Variants in DEFB124 observed in about 807,000 individuals in gnomAD.
DEFB124 encodes the protein defensin beta 124, also known as beta-defensin 124.
For missense variants in DEFB124, 78 were observed against 83.1 expected (o/e 0.94, Z 0.24); for synonymous variants, 38 against 36.5 (o/e 1.04, Z -0.15).
rs1389433767 is a variant in DEFB124 at position 31,474,678 on chromosome 20, G to A, written c.-77C>T. Among the ~76,000 whole-genome samples, 1 of 152,120 alleles carries A rather than the reference G, an allele frequency of 6.6e-6. No homozygotes were observed. The highest frequency in any genetic ancestry group is 1.5e-5 in the Non-Finnish European group (1 of 68,024). Reference sequence around the variant, plus strand: ...CAGTAATAGAAACAGTAGACAGAGTGGCAGAGACCTCAGGCCCAGGCCCAG... The same window carrying A: ...CAGTAATAGAAACAGTAGACAGAGTAGCAGAGACCTCAGGCCCAGGCCCAG... On this transcript the variant is annotated 5_prime_UTR_variant, in exon 1 of 3. Transcript: ENST00000317676.
rs1980441934 is a variant in DEFB124 at position 31,475,105 on chromosome 20, C to T, written c.-504G>A. 6.6e-6 allele frequency among the ~76,000 whole-genome samples: 1 copy of T among 152,234 alleles called. No homozygotes were observed. The highest frequency in any genetic ancestry group is 2.4e-5 in the African/African-American group (1 of 41,448). On this transcript the variant is annotated 5_prime_UTR_variant, in exon 1 of 3. Transcript: ENST00000317676. This position sits in a 1 kb window ranked among gnomAD's most constrained non-coding sequence, Gnocchi z 5.0. The stretch of plus-strand genomic sequence containing the variant: ...TCCTTTCTCGTCTGCCACCCTCACC[C>T]GGTGCGTAGGGCTGGCAGAAGCGGG...
chr20:31,471,965 G>A (rs1406178746), intron 2 of DEFB124, among the ~76,000 whole-genome samples: 2 of 152,178 alleles, frequency 1.3e-5, no homozygotes, highest in African/African-American at 4.8e-5. Context: ...ACGATGGGCG[G>A]CCAGGCAGAG....
chr20:31,473,018 A>C lies in DEFB124; in HGVS notation c.-5T>G, dbSNP rs1980377659. On this transcript the variant is annotated 5_prime_UTR_variant, in exon 2 of 3. Coordinates refer to ENST00000317676, the MANE Select transcript of DEFB124 (RefSeq NM_001037500.2). Reference sequence around the variant, plus strand: ...GAACAGAAGCAGCTGTGTCATGGCCACGGGGCTCCTGGGGAGGCTGCTGGA... The same window carrying C: ...GAACAGAAGCAGCTGTGTCATGGCCCCGGGGCTCCTGGGGAGGCTGCTGGA... 1 of 1,614,010 alleles carries C rather than the reference A, an allele frequency of 6.2e-7. No homozygotes were observed. The highest frequency in any genetic ancestry group is 8.5e-7 in the Non-Finnish European group (1 of 1,179,998).
At chr20:31,470,885 G>T (rs1403099388) in intron 2 of DEFB124, among the ~76,000 whole-genome samples, 5 of 72,598 alleles carry the variant, frequency 6.9e-5, no homozygotes, top group Non-Finnish European at 1.1e-4. Context: ...GGGGGGCTGA[G>T]CCCCCCACCT....
At chr20:31,467,883 G>A (rs573362664) in intron 2 of DEFB124, among the ~76,000 whole-genome samples, 1 of 152,064 alleles carries the variant, frequency 6.6e-6, no homozygotes, top group African/African-American at 2.4e-5. Context: ...CTCCTAAATA[G>A]CTAGGACTAC....
chr20:31,472,881 TGA>T (rs1980371906), intron 2 of DEFB124, 73 bp downstream of exon 2: 1 of 1,539,398 alleles, frequency 6.5e-7, no homozygotes, highest in Admixed American at 2.0e-5. Context: ...CTCCAGGACC[TGA>T]GAGTCTAGTC....
intron 2 of DEFB124, among the ~76,000 whole-genome samples, chr20:31,465,882 C>T (rs1029763839): frequency 3.9e-5 from 6 of 152,350 alleles, no homozygotes; most frequent in South Asian, 2.1e-4. Flanking sequence ...TAAGGCCAGG[C>T]GCGGTGGCTC....
chr20:31,465,940 T>A (rs780186177), intron 2 of DEFB124, among the ~76,000 whole-genome samples: 57 of 152,200 alleles, frequency 3.7e-4, no homozygotes, highest in Non-Finnish European at 6.2e-4. Flanking sequence ...GCAGATCACC[T>A]GAGGTCAGGA....
intron 1 of DEFB124, among the ~76,000 whole-genome samples, chr20:31,473,405 T>C (rs1486623591): frequency 6.6e-6 from 1 of 152,192 alleles, no homozygotes; most frequent in Admixed American, 6.5e-5. Context: ...TTAACCTCTC[T>C]GAGCCTCAGG....
chr20:31,472,904 C>T (rs527947347), intron 2 of DEFB124, 52 bp downstream of exon 2: 3 of 1,578,820 alleles, frequency 1.9e-6, no homozygotes, highest in Admixed American at 3.6e-5. Context: ...CTCATTTTTA[C>T]AAGCACACAT....
At chr20:31,470,708 A>AC (rs2122452343) in intron 2 of DEFB124, among the ~76,000 whole-genome samples, 1 of 110,028 alleles carries the variant, frequency 9.1e-6, no homozygotes, top group Non-Finnish European at 1.9e-5. Context: ...CGGGGGGCTG[A>AC]CTCCCCCACC....
At chr20:31,473,248 G>C (rs191912151) in intron 1 of DEFB124, among the ~76,000 whole-genome samples, 201 of 152,288 alleles carry the variant, frequency 1.3e-3, no homozygotes, top group African/African-American at 4.7e-3. Flanking sequence ...GCTCGGAAGG[G>C]GAGGTAGAAT....
chr20:31,469,814 A>G (rs1158095749), intron 2 of DEFB124, among the ~76,000 whole-genome samples: 3 of 149,924 alleles, frequency 2.0e-5, no homozygotes, highest in East Asian at 1.9e-4. Flanking sequence ...TTATCTTAGT[A>G]CAGAACAAAA....
chr20:31,465,697 C>G (rs1184806173), intron 2 of DEFB124, 34 bp from the exon 3 acceptor site: 2 of 1,608,672 alleles, frequency 1.2e-6, no homozygotes. Context: ...CACAGAGCAG[C>G]CCATGGGTCA....
chr20:31,466,297 G>T (rs559903839), intron 2 of DEFB124, among the ~76,000 whole-genome samples: 1 of 151,732 alleles, frequency 6.6e-6, no homozygotes, highest in African/African-American at 2.4e-5. Context: ...CTGAGGCTCA[G>T]TGAGGTTAAT....
intron 2 of DEFB124, among the ~76,000 whole-genome samples, chr20:31,466,223 T>G (rs1017131452): frequency 6.6e-6 from 1 of 152,106 alleles, no homozygotes; most frequent in Non-Finnish European, 1.5e-5. Context: ...ATAAGCACTT[T>G]TCATAACAGT....
At chr20:31,469,912 A>T (rs1197284860) in intron 2 of DEFB124, among the ~76,000 whole-genome samples, 16 of 148,288 alleles carry the variant, frequency 1.1e-4, no homozygotes, top group African/African-American at 3.9e-4. Context: ...CTCCCTTTCT[A>T]TTCCACAAAA....
At chr20:31,473,574 C>T (rs188967896) in intron 1 of DEFB124, among the ~76,000 whole-genome samples, 1 of 152,266 alleles carries the variant, frequency 6.6e-6, no homozygotes, top group African/African-American at 2.4e-5. Flanking sequence ...TACAGTGGCT[C>T]CTATACTATG....
At chr20:31,470,506 G>A (rs1348521360) in intron 2 of DEFB124, among the ~76,000 whole-genome samples, 2 of 136,546 alleles carry the variant, frequency 1.5e-5, no homozygotes, top group Non-Finnish European at 3.2e-5. Context: ...AGGGGCGGCT[G>A]GGCAGAGGCG....
Sources: allele counts gnomAD v4.1 joint callset (sites outside exome capture counted in the v4.1 genomes callset), GRCh38; gene constraint gnomAD v4.1.1; non-coding constraint Gnocchi (gnomAD v3.1); transcripts MANE v1.5; gene names NCBI Gene and HGNC (gene_info 2026-07-23, HGNC 2026-07-21).